Variants in ZNF560 observed in about 807,000 individuals in gnomAD.
ZNF560 encodes the protein zinc finger protein 560.
A neutral mutation model predicts 81.8 loss-of-function variants in ZNF560; 54 were observed. That is an observed-to-expected ratio of 0.66 (90% CI 0.53 to 0.83). The LOEUF (loss-of-function observed/expected upper bound fraction) is 0.83, where lower values mean the gene tolerates loss of function less well. Among genes scored for constraint, ZNF560 ranks in the 40% least tolerant of loss-of-function variants. The pLI, the probability that ZNF560 is intolerant of heterozygous loss-of-function variation, is 0.00. For missense variants in ZNF560, 940 were observed against 932.4 expected (o/e 1.01, Z -0.11); for synonymous variants, 321 against 317.9 (o/e 1.01, Z -0.10).
chr19:9,487,330 C>T (rs892468987), intron 2 of ZNF560, among the ~76,000 whole-genome samples: 5 of 152,184 alleles, frequency 3.3e-5, no homozygotes, highest in Non-Finnish European at 7.3e-5. Flanking sequence ...ACTTATATGG[C>T]CAATCAGCAA....
chr19:9,459,314 G>C, the ZNF560 span, among the ~76,000 whole-genome samples: 3 of 152,212 alleles, frequency 2.0e-5, no homozygotes, highest in Admixed American at 6.5e-5. Flanking sequence ...AACATTTACA[G>C]AAGACAGCTG....
At chr19:9,463,297 G>A (rs1314552159), downstream of ZNF560, among the ~76,000 whole-genome samples, 2 of 152,124 alleles carry the variant, frequency 1.3e-5, no homozygotes, top group Non-Finnish European at 2.9e-5. Context: ...CTGAAGCTAG[G>A]CAATTTCTAG....
chr19:9,505,084 A>G, the ZNF560 span, among the ~76,000 whole-genome samples: 18 of 152,148 alleles, frequency 1.2e-4, no homozygotes, highest in African/African-American at 4.3e-4. Flanking sequence ...CCTTTGTCTC[A>G]AAAAAATAAA....
chr19:9,473,205 C>A lies in ZNF560; in HGVS notation c.212G>T (p.Arg71Ile). 1 of 1,613,768 alleles carries A rather than the reference C, an allele frequency of 6.2e-7. No individual in the cohort carries two copies. The highest frequency in any genetic ancestry group is 1.1e-5 in the South Asian group (1 of 91,028). The part of the protein sequence containing the change: ...VISWLEEEEL[R>I]TLQQGVLQDW... ...TTGGAGAACTCCTTGCTGCAAGGTT[C>A]TCAACTCTTCTTCTTCCAACCAAGA... Residue 71 changes from arginine to isoleucine, a missense_variant, in exon 5 of 10, where the codon AGA becomes ATA. Transcript: ENST00000301480.
At chr19:9,468,420 T>C (rs1218628847) in intron 9 of ZNF560, 86 bp from the exon 10 acceptor site, 2 of 1,081,184 alleles carry the variant, frequency 1.8e-6, no homozygotes, top group Non-Finnish European at 2.6e-6. Context: ...TGATAATTAT[T>C]ATTTTTGCCA....
At chr19:9,457,106 A>T in the ZNF560 span, among the ~76,000 whole-genome samples, 3 of 152,222 alleles carry the variant, frequency 2.0e-5, no homozygotes, top group Non-Finnish European at 4.4e-5. Context: ...TAAATGAACT[A>T]GTCAAAGAAC....
chr19:9,502,735 A>T (rs1199670555), upstream of ZNF560, among the ~76,000 whole-genome samples: 1 of 151,446 alleles, frequency 6.6e-6, no homozygotes, highest in African/African-American at 2.5e-5. Context: ...TTATCTAACT[A>T]GTTGTACAAT....
At chr19:9,490,209 A>G (rs1228069133) in intron 2 of ZNF560, among the ~76,000 whole-genome samples, 1 of 152,234 alleles carries the variant, frequency 6.6e-6, no homozygotes, top group African/African-American at 2.4e-5. Context: ...AGAAATAGAT[A>G]ACTGAAGGGA....
At chr19:9,464,783 A>G (rs1040176285), downstream of ZNF560, among the ~76,000 whole-genome samples, 1 of 152,190 alleles carries the variant, frequency 6.6e-6, no homozygotes, top group Non-Finnish European at 1.5e-5. Flanking sequence ...AAGACATACC[A>G]TGCCAGGAAT....
At chr19:9,504,439 A>G in the ZNF560 span, among the ~76,000 whole-genome samples, 7,341 of 152,204 alleles carry the variant, frequency 0.048, 612 homozygotes, top group African/African-American at 0.17. Flanking sequence ...TGTCTCAAAA[A>G]AAATAAAAAT....
chr19:9,464,106 T>C (rs1010412434), downstream of ZNF560, among the ~76,000 whole-genome samples: 4 of 152,074 alleles, frequency 2.6e-5, no homozygotes, highest in African/African-American at 9.7e-5. Flanking sequence ...AACAGAAATA[T>C]TTAAATTTGT....
At chr19:9,447,133 C>CAAAAAAAAAAAA in the ZNF560 span, among the ~76,000 whole-genome samples, 1 of 80,860 alleles carries the variant, frequency 1.2e-5, no homozygotes, top group African/African-American at 3.8e-5. Context: ...GACTCCGTCA[C>CAAAAAAAAAAAA]AAAAAAAAAA....
At chr19:9,472,191 C>A (rs186547305) in intron 5 of ZNF560, among the ~76,000 whole-genome samples, 1 of 151,862 alleles carries the variant, frequency 6.6e-6, no homozygotes, top group Admixed American at 6.6e-5. Flanking sequence ...GGAAATGCAA[C>A]GCCAAATACT....
At chr19:9,460,226 C>T in the ZNF560 span, among the ~76,000 whole-genome samples, 5 of 152,230 alleles carry the variant, frequency 3.3e-5, no homozygotes, top group Admixed American at 6.5e-5. Context: ...CTGAGGATGA[C>T]CCCCAACTGT....
intron 2 of ZNF560, among the ~76,000 whole-genome samples, chr19:9,483,329 G>A (rs1471816002): frequency 6.6e-6 from 1 of 151,348 alleles, no homozygotes; most frequent in Admixed American, 6.6e-5. Context: ...CATCTGGGAG[G>A]TGAGGAGCAT....
At chr19:9,447,334 ATGT>A in the ZNF560 span, among the ~76,000 whole-genome samples, 45 of 152,088 alleles carry the variant, frequency 3.0e-4, no homozygotes, top group African/African-American at 1.1e-3. Flanking sequence ...AAAAAGCTGA[ATGT>A]TGTGACACCA....
At chr19:9,462,658 A>T (rs1599640756), downstream of ZNF560, among the ~76,000 whole-genome samples, 4 of 150,860 alleles carry the variant, frequency 2.7e-5, no homozygotes, top group South Asian at 6.5e-4. Flanking sequence ...AGGTATATAA[A>T]ATATTCTAGC....
the ZNF560 span, among the ~76,000 whole-genome samples, chr19:9,449,600 AAATAATAG>A: frequency 6.6e-6 from 1 of 152,190 alleles, no homozygotes; most frequent in Non-Finnish European, 1.5e-5. Flanking sequence ...ACATACCTCA[AAATAATAG>A]AGCCATCTAT....
At chr19:9,460,221 G>A in the ZNF560 span, among the ~76,000 whole-genome samples, 1 of 152,098 alleles carries the variant, frequency 6.6e-6, no homozygotes, top group Admixed American at 6.5e-5. Flanking sequence ...TGATGCTGAG[G>A]ATGACCCCCA....
Sources: gnomAD v4.1 joint callset for allele counts (sites outside exome capture counted in the v4.1 genomes callset) on GRCh38, gnomAD v4.1.1 for gene constraint, MANE v1.5 for transcripts, NCBI Gene and HGNC (gene_info 2026-07-23, HGNC 2026-07-21) for gene names.